Variants in ZNF385B observed in about 807,000 individuals in gnomAD.
ZNF385B encodes the protein zinc finger protein 533.
ZNF385B carries 23 observed loss-of-function variants against 39.2 expected under a neutral mutation model. That is an observed-to-expected ratio of 0.59 (90% CI 0.42 to 0.83). ZNF385B has a LOEUF of 0.83. Among genes scored for constraint, ZNF385B ranks in the 40% least tolerant of loss-of-function variants. ZNF385B has a pLI of 0.00. For missense variants in ZNF385B, 552 were observed against 598.9 expected (o/e 0.92, Z 0.82); for synonymous variants, 205 against 222.6 (o/e 0.92, Z 0.70).
At chr2:179,725,513 G>A (rs1700948777) in intron 3 of ZNF385B, among the ~76,000 whole-genome samples, 2 of 151,334 alleles carry the variant, frequency 1.3e-5, no homozygotes, top group South Asian at 2.1e-4. Flanking sequence ...TATACATGAA[G>A]GTAATTTTTA....
intron 3 of ZNF385B, among the ~76,000 whole-genome samples, chr2:179,619,418 T>C (rs890224682): frequency 6.6e-6 from 1 of 152,194 alleles, no homozygotes; most frequent in African/African-American, 2.4e-5. Context: ...TCAACATGTA[T>C]ACCCAATAGC....
At chr2:179,789,421 A>G (rs1705194796) in intron 1 of ZNF385B, among the ~76,000 whole-genome samples, 1 of 152,202 alleles carries the variant, frequency 6.6e-6, no homozygotes, top group Non-Finnish European at 1.5e-5. Flanking sequence ...GACCAATTTC[A>G]TGATTTTCAA....
At chr2:179,705,331 A>G (rs1182000614) in intron 3 of ZNF385B, among the ~76,000 whole-genome samples, 1 of 152,148 alleles carries the variant, frequency 6.6e-6, no homozygotes, top group Non-Finnish European at 1.5e-5. Context: ...TTAACAGGCC[A>G]TATCTTCTTC....
chr2:179,622,193 G>C (rs1417020728), intron 3 of ZNF385B, among the ~76,000 whole-genome samples: 1 of 152,126 alleles, frequency 6.6e-6, no homozygotes, highest in Non-Finnish European at 1.5e-5. Context: ...AAAGGCCTAT[G>C]ACTAGAAATG....
intron 3 of ZNF385B, among the ~76,000 whole-genome samples, chr2:179,593,721 C>G (rs114577489): frequency 2.6e-5 from 4 of 152,144 alleles, no homozygotes; most frequent in African/African-American, 9.7e-5. Context: ...AGTTCTTACG[C>G]TTATCTATAC....
intron 1 of ZNF385B, among the ~76,000 whole-genome samples, chr2:179,774,681 T>G (rs1704209679): frequency 2.6e-5 from 4 of 152,250 alleles, no homozygotes; most frequent in Admixed American, 2.6e-4. Flanking sequence ...CTAATTATTT[T>G]AGCTTGTATG....
chr2:179,494,958 T>G lies in ZNF385B; in HGVS notation c.553-11524A>C, dbSNP rs545373439. Among the ~76,000 whole-genome samples, 11 of 152,238 alleles carry G rather than the reference T, an allele frequency of 7.2e-5. No individual in the cohort carries two copies. The South Asian group carries it at 2.3e-3, about 32-fold the overall frequency. On this transcript the variant is annotated intron_variant, in intron 5 of 9. Transcript: ENST00000410066. ...ATTGTGTGGTAGCTACAGGGCAAAA[T>G]TCCTTCTGCTTGAGAAAAACAGAGG...
At chr2:179,553,349 G>A (rs2060702239) in intron 3 of ZNF385B, among the ~76,000 whole-genome samples, 1 of 148,764 alleles carries the variant, frequency 6.7e-6, no homozygotes. Flanking sequence ...ATACTTATGA[G>A]GGACTAACAA....
At chr2:179,693,015 A>G (rs749456419) in intron 3 of ZNF385B, among the ~76,000 whole-genome samples, 5 of 152,208 alleles carry the variant, frequency 3.3e-5, no homozygotes, top group Non-Finnish European at 7.3e-5. Flanking sequence ...TTGTTAGAAA[A>G]TGCAATCTTG....
At chr2:179,516,767 T>G (rs1381047657) in intron 5 of ZNF385B, among the ~76,000 whole-genome samples, 1 of 152,092 alleles carries the variant, frequency 6.6e-6, no homozygotes, top group African/African-American at 2.4e-5. Flanking sequence ...TTTGATAAAG[T>G]CCAATATATC....
chr2:179,639,226 C>CAAAAAAAAAAA (rs59905278), intron 3 of ZNF385B, among the ~76,000 whole-genome samples: 3 of 93,020 alleles, frequency 3.2e-5, no homozygotes, highest in African/African-American at 4.2e-5. Flanking sequence ...GATCCTGCCT[C>CAAAAAAAAAAA]AAAAAAAAAA....
At chr2:179,474,959 T>A (rs1022654093) in intron 6 of ZNF385B, among the ~76,000 whole-genome samples, 1 of 152,198 alleles carries the variant, frequency 6.6e-6, no homozygotes, top group African/African-American at 2.4e-5. Context: ...GAGGGCATTA[T>A]TTCCACTTTA....
intron 3 of ZNF385B, among the ~76,000 whole-genome samples, chr2:179,720,852 T>C (rs1017347323): frequency 2.0e-5 from 3 of 151,216 alleles, no homozygotes; most frequent in Admixed American, 2.0e-4. Flanking sequence ...CTTGAATTCC[T>C]GGGCTCAAGT....
At chr2:179,588,312 TCTC>T (rs1276143364) in intron 3 of ZNF385B, among the ~76,000 whole-genome samples, 1 of 151,986 alleles carries the variant, frequency 6.6e-6, no homozygotes, top group African/African-American at 2.4e-5. Context: ...ATGGTCTCAA[TCTC>T]CTGACCTCGT....
chr2:179,520,655 A>T (rs1378640888), intron 4 of ZNF385B, among the ~76,000 whole-genome samples: 1 of 152,232 alleles, frequency 6.6e-6, no homozygotes, highest in Non-Finnish European at 1.5e-5. Flanking sequence ...GGCAGGATGA[A>T]AGAAGCCCAC....
At chr2:179,617,758 A>C (rs1689873334) in intron 3 of ZNF385B, among the ~76,000 whole-genome samples, 3 of 152,192 alleles carry the variant, frequency 2.0e-5, no homozygotes, top group Non-Finnish European at 4.4e-5. Flanking sequence ...TGTTTGTTAC[A>C]TGAGTATTAC....
At chr2:179,504,637 G>T (rs2057084399) in intron 5 of ZNF385B, among the ~76,000 whole-genome samples, 1 of 151,780 alleles carries the variant, frequency 6.6e-6, no homozygotes, top group African/African-American at 2.4e-5. Flanking sequence ...GTGATGATGA[G>T]CATTTTTTCA....
chr2:179,782,512 G>A (rs779286370), intron 1 of ZNF385B, among the ~76,000 whole-genome samples: 36 of 152,024 alleles, frequency 2.4e-4, no homozygotes, highest in African/African-American at 3.1e-4. Flanking sequence ...CAAAATAAAC[G>A]GCATCCAAAT....
intron 3 of ZNF385B, among the ~76,000 whole-genome samples, chr2:179,635,841 C>A (rs1251110892): frequency 6.6e-6 from 1 of 152,166 alleles, no homozygotes; most frequent in East Asian, 1.9e-4. Flanking sequence ...ATTGACCAGA[C>A]CTAAATTTTT....
Sources: gnomAD v4.1 joint callset for allele counts (sites outside exome capture counted in the v4.1 genomes callset) on GRCh38, gnomAD v4.1.1 for gene constraint, MANE v1.5 for transcripts, NCBI Gene and HGNC (gene_info 2026-07-23, HGNC 2026-07-21) for gene names.